The following LAMC1 variants were observed in gnomAD, a reference collection of about 807,000 sequenced individuals.
LAMC1 encodes laminin subunit gamma-1.
In LAMC1, 38 loss-of-function variants were observed where a neutral mutation model predicts 173.6. That is an observed-to-expected ratio of 0.22 (90% CI 0.17 to 0.29). The LOEUF is 0.29. Among genes scored for constraint, LAMC1 ranks in the 10% least tolerant of loss-of-function variants. The probability of loss-of-function intolerance (pLI) is 1.00; values close to 1 mark genes in which losing one functional copy is unlikely to be tolerated. For synonymous variants in LAMC1, 746 were observed against 749.1 expected, an observed-to-expected ratio of 1.00 and a Z score of 0.07; for missense variants, 1,824 against 2,051.8, an observed-to-expected ratio of 0.89 and a Z score of 2.14.
At chr1:183,030,615 G>A (rs1044698110) in intron 1 of LAMC1, among the ~76,000 whole-genome samples, 3 of 151,984 alleles carry the variant, frequency 2.0e-5, no homozygotes, top group African/African-American at 7.2e-5. Flanking sequence ...TGTAGTATGT[G>A]GTTTTATTTC....
chr1:183,080,649 T>G (rs1655247540), intron 1 of LAMC1, among the ~76,000 whole-genome samples: 2 of 151,796 alleles, frequency 1.3e-5, no homozygotes, highest in Admixed American at 1.3e-4. Flanking sequence ...TTCTTCCTGT[T>G]TTTTTTTTCC....
At chr1:183,117,988 A>C (rs372995636) in intron 10 of LAMC1, 46 bp from the exon 11 acceptor site, 107 of 1,124,384 alleles carry the variant, frequency 9.5e-5, no homozygotes, top group Non-Finnish European at 1.4e-4. Context: ...CCCAACATCC[A>C]GAATTGTCCT....
At chr1:183,074,833 CTT>C (rs1341059795) in intron 1 of LAMC1, among the ~76,000 whole-genome samples, 1 of 152,058 alleles carries the variant, frequency 6.6e-6, no homozygotes, top group African/African-American at 2.4e-5. Flanking sequence ...AAAAATGAAA[CTT>C]TACCTGAATA....
At chr1:183,096,587 GTTCA>G (rs1211372671) in intron 1 of LAMC1, 2 of 152,084 alleles carry the variant, frequency 1.3e-5, no homozygotes, top group Non-Finnish European at 2.9e-5. Flanking sequence ...GAAGCCCTTT[GTTCA>G]TTCATTTGAA....
chr1:183,034,357 G>A (rs1254076262), intron 1 of LAMC1, among the ~76,000 whole-genome samples: 1 of 152,038 alleles, frequency 6.6e-6, no homozygotes, highest in Non-Finnish European at 1.5e-5. Context: ...TGCAACCTCC[G>A]CCTCCCGGGT....
At chr1:183,132,811 T>C (rs1301435605) in intron 21 of LAMC1, among the ~76,000 whole-genome samples, 1 of 152,122 alleles carries the variant, frequency 6.6e-6, no homozygotes, top group African/African-American at 2.4e-5. Context: ...AAAAATATAA[T>C]AGAGTAAGTA....
At chr1:183,140,638 TTAA>T (rs996221870) in intron 27 of LAMC1, 135 bp downstream of exon 27, 2 of 432,212 alleles carry the variant, frequency 4.6e-6, no homozygotes, top group Admixed American at 4.3e-5. Context: ...AATTAAATTA[TTAA>T]TATTTCCTTT....
chr1:183,072,267 C>G (rs543128958), intron 1 of LAMC1, among the ~76,000 whole-genome samples: 10 of 152,128 alleles, frequency 6.6e-5, no homozygotes, highest in Non-Finnish European at 1.3e-4. Context: ...CAACACATTC[C>G]AAAGACGATG....
Position 183,115,616 on chromosome 1 carries a change from C to T in LAMC1, c.1307C>T (p.Ser436Phe). Residue 436 changes from serine to phenylalanine, a missense_variant, in exon 6 of 28, where the codon TCT becomes TTT. Coordinates refer to ENST00000258341, the MANE Select transcript of LAMC1 (RefSeq NM_002293.4). ...KCDRCQPGFHSLTEAGCRPCS... is the reference protein window; with the variant it reads ...KCDRCQPGFHFLTEAGCRPCS... ...GACCGTTGCCAGCCTGGATTCCATT[C>T]TCTCACTGAAGCAGGATGCAGGTAA... is the stretch of plus-strand genomic sequence containing the variant. 6.2e-7 allele frequency: 1 copy of T among 1,612,932 alleles called. No homozygotes were observed. The highest frequency in any genetic ancestry group is 1.7e-5 in the Admixed American group (1 of 60,026).
In LAMC1 at chr1:183,029,801, C is replaced by G. The variant is rs146333134; in HGVS notation, c.418+5667C>G. Among the ~76,000 whole-genome samples, 46 of 152,298 alleles carry G rather than the reference C, an allele frequency of 3.0e-4. No homozygotes were observed. In the East Asian group the frequency reaches 8.1e-3, roughly 27 times the overall value. Reference sequence around the variant, plus strand: ...AAGGACGAGTCAGGGGTTTAGTAATCTTTTAGTTCAGTTAAAGATGACTAA... The same window carrying G: ...AAGGACGAGTCAGGGGTTTAGTAATGTTTTAGTTCAGTTAAAGATGACTAA... On this transcript the variant is annotated intron_variant, in intron 1 of 27. Coordinates refer to ENST00000258341, the MANE Select transcript of LAMC1 (RefSeq NM_002293.4).
At chr1:183,133,629 C>T in intron 22 of LAMC1, 79 bp downstream of exon 22, 1 of 1,314,180 alleles carries the variant, frequency 7.6e-7, no homozygotes, top group Non-Finnish European at 1.0e-6. Flanking sequence ...TCTGCACCTC[C>T]CTCTGTCCTC....
chr1:183,074,866 A>G (rs1655087812), intron 1 of LAMC1, among the ~76,000 whole-genome samples: 1 of 152,158 alleles, frequency 6.6e-6, no homozygotes, highest in African/African-American at 2.4e-5. Context: ...GAATAGACAT[A>G]ACGGAAACCT....
intron 1 of LAMC1, among the ~76,000 whole-genome samples, chr1:183,087,551 C>T (rs1349620161): frequency 6.6e-6 from 1 of 152,136 alleles, no homozygotes; most frequent in Non-Finnish European, 1.5e-5. Context: ...AAATCTAACC[C>T]CACACACTGG....
chr1:183,084,469 C>T (rs894557318), intron 1 of LAMC1, among the ~76,000 whole-genome samples: 1 of 151,840 alleles, frequency 6.6e-6, no homozygotes, highest in Admixed American at 6.6e-5. Flanking sequence ...CAAAAGAAAA[C>T]GAAACAAAAC....
rs1307561084 is a variant in LAMC1 at position 183,136,402 on chromosome 1, G to A, written c.4131G>A (p.Val1377=). 7 of 1,613,970 alleles carry A rather than the reference G, an allele frequency of 4.3e-6. No homozygotes were observed. The change falls in exon 25 of 28, where the codon GTG becomes GTA. Residue 1377 remains valine (V), a synonymous_variant. Transcript: ENST00000258341. Reference sequence around the variant, plus strand: ...TTGTTTCAGATTTTGATAGGCGTGTGAACGATAACAAGACGGCCGCAGAGG... The same window carrying A: ...TTGTTTCAGATTTTGATAGGCGTGTAAACGATAACAAGACGGCCGCAGAGG... The part of the protein sequence containing the change: ...LNNLKDFDRR[V]NDNKTAAEEA...
chr1:183,053,413 G>T (rs903606070), intron 1 of LAMC1, among the ~76,000 whole-genome samples: 1 of 145,374 alleles, frequency 6.9e-6, no homozygotes, highest in African/African-American at 2.6e-5. Flanking sequence ...TCTGTTTTTT[G>T]TGTGTGTTTT....
chr1:183,100,486 G>A (rs921941549), intron 1 of LAMC1, among the ~76,000 whole-genome samples: 4 of 152,096 alleles, frequency 2.6e-5, no homozygotes, highest in Admixed American at 2.6e-4. Flanking sequence ...AATTCCTATG[G>A]TGATCACTCC....
chr1:183,141,953 A>G (rs1657125428), intron 27 of LAMC1, among the ~76,000 whole-genome samples: 1 of 152,220 alleles, frequency 6.6e-6, no homozygotes, highest in Non-Finnish European at 1.5e-5. Flanking sequence ...ATTTCTTTCA[A>G]AAGAACCTCT....
intron 1 of LAMC1, among the ~76,000 whole-genome samples, chr1:183,094,556 ATGTT>A (rs1194523193): frequency 6.6e-6 from 1 of 152,196 alleles, no homozygotes; most frequent in Admixed American, 6.5e-5. Context: ...TTTTCAGTAA[ATGTT>A]TGTTGAATGA....
Sources: gnomAD v4.1 joint callset for allele counts (sites outside exome capture counted in the v4.1 genomes callset) on GRCh38, gnomAD v4.1.1 for gene constraint, MANE v1.5 for transcripts, NCBI Gene and HGNC (gene_info 2026-07-23, HGNC 2026-07-21) for gene names.